DCAF6: variants seen among roughly 807,000 people sequenced by gnomAD.
DCAF6 encodes DDB1- and CUL4-associated factor 6.
In DCAF6, 54 loss-of-function variants were observed where a neutral mutation model predicts 125.1. The ratio of observed to expected loss-of-function variants is 0.43; its 90% CI spans 0.35 to 0.54. DCAF6 has a LOEUF of 0.54. Among genes scored for constraint, DCAF6 ranks in the 20% least tolerant of loss-of-function variants. DCAF6 has a pLI of 0.01. For missense variants in DCAF6, 934 were observed against 1,161.7 expected (o/e 0.80, Z 2.85); for synonymous variants, 371 against 390.4 (o/e 0.95, Z 0.58).
chr1:167,957,609 G>C (rs763934112), intron 2 of DCAF6, among the ~76,000 whole-genome samples: 6 of 152,032 alleles, frequency 3.9e-5, no homozygotes, highest in Non-Finnish European at 8.8e-5. Context: ...ACAAATTTTT[G>C]TGTGTTGTAA....
the DCAF6 span, among the ~76,000 whole-genome samples, chr1:167,916,287 A>G: frequency 6.6e-6 from 1 of 152,090 alleles, no homozygotes; most frequent in Non-Finnish European, 1.5e-5. Flanking sequence ...GCTCACTGCA[A>G]CCTCCGCCTC....
At chr1:167,934,657 A>C (rs964384839), upstream of DCAF6, among the ~76,000 whole-genome samples, 11 of 152,236 alleles carry the variant, frequency 7.2e-5, no homozygotes. Flanking sequence ...GTTCATAATC[A>C]GATAATGGGG....
At chr1:168,022,937 G>A (rs372111255) in intron 11 of DCAF6, 51 bp from the exon 12 acceptor site, 9 of 1,503,764 alleles carry the variant, frequency 6.0e-6, no homozygotes, top group Admixed American at 1.7e-5. Context: ...TGACATTGCT[G>A]TGCAGTTTTC....
the DCAF6 span, among the ~76,000 whole-genome samples, chr1:167,891,655 CA>C: frequency 0.012 from 1,326 of 107,630 alleles, 11 homozygotes; most frequent in African/African-American, 0.034. Flanking sequence ...GACTCTGTCT[CA>C]AAAAAAAAAA....
chr1:167,969,853 T>A (rs1257489150), intron 3 of DCAF6, among the ~76,000 whole-genome samples: 1 of 152,236 alleles, frequency 6.6e-6, no homozygotes, highest in Non-Finnish European at 1.5e-5. Context: ...CTCGGCCCAC[T>A]GCAAACTCTG....
chr1:167,875,489 G>A, the DCAF6 span, among the ~76,000 whole-genome samples: 5 of 152,298 alleles, frequency 3.3e-5, no homozygotes, highest in South Asian at 2.1e-4. Context: ...CCTGATATAC[G>A]ACCCAGTAGA....
At chr1:167,864,945 T>A in the DCAF6 span, among the ~76,000 whole-genome samples, 4 of 146,760 alleles carry the variant, frequency 2.7e-5, no homozygotes, top group East Asian at 8.0e-4. Context: ...GTAAAAAGAG[T>A]GTTATATGGT....
the DCAF6 span, among the ~76,000 whole-genome samples, chr1:167,925,217 A>G: frequency 6.6e-6 from 1 of 151,930 alleles, no homozygotes; most frequent in South Asian, 2.1e-4. Context: ...TACATTTTAC[A>G]TATTTTACTC....
At chr1:167,979,254 A>G (rs1293225029) in intron 4 of DCAF6, among the ~76,000 whole-genome samples, 1 of 152,192 alleles carries the variant, frequency 6.6e-6, no homozygotes, top group Non-Finnish European at 1.5e-5. Flanking sequence ...AAGAAAGACC[A>G]TTTTAACATG....
intron 21 of DCAF6, among the ~76,000 whole-genome samples, chr1:168,072,195 GC>G (rs1235743099): frequency 1.3e-5 from 2 of 149,670 alleles, no homozygotes; most frequent in Non-Finnish European, 3.0e-5. Flanking sequence ...TACTTGGGAG[GC>G]TGAGGCAGGA....
At chr1:167,957,521 C>T (rs1404869480) in intron 2 of DCAF6, among the ~76,000 whole-genome samples, 1 of 152,118 alleles carries the variant, frequency 6.6e-6, no homozygotes, top group Non-Finnish European at 1.5e-5. Flanking sequence ...CACATTTAAT[C>T]TGTTCATCAG....
Position 168,046,516 on chromosome 1 carries a change from C to CT in DCAF6, c.2258+1296dup, listed in dbSNP as rs543491077. Among the ~76,000 whole-genome samples the CT allele has an allele frequency of 2.6e-4, 39 of 152,154 alleles. No homozygotes were observed. The Middle Eastern group carries it at 0.017, about 67-fold the overall frequency. On this transcript the variant is annotated intron_variant, in intron 16 of 21. Transcript: ENST00000367840. ...GGGAAATGTTTACTTTGCCATGGCA[C>CT]TTTTTTTGTAGATATGAAGCAAGAA...
chr1:167,991,383 A>G, intron 6 of DCAF6, 44 bp downstream of exon 6: 1 of 1,529,662 alleles, frequency 6.5e-7, no homozygotes, highest in Non-Finnish European at 8.8e-7. Context: ...GTCAGTTCAA[A>G]GAGTAAATCT....
chr1:167,868,589 C>T, the DCAF6 span, among the ~76,000 whole-genome samples: 3 of 151,676 alleles, frequency 2.0e-5, no homozygotes, highest in Admixed American at 6.6e-5. Context: ...ATACTGGATA[C>T]GTGGACATAG....
chr1:168,040,144 A>AGAGTGAGAAGGAGTGAG (rs1337564607), intron 13 of DCAF6, among the ~76,000 whole-genome samples: 2 of 152,042 alleles, frequency 1.3e-5, no homozygotes, highest in African/African-American at 4.8e-5. Context: ...TGTCACTTGA[A>AGAGTGAGAAGGAGTGAG]GAGTGAGAAG....
intron 12 of DCAF6, among the ~76,000 whole-genome samples, chr1:168,027,714 A>T (rs920634178): frequency 4.6e-5 from 7 of 152,080 alleles, no homozygotes; most frequent in Non-Finnish European, 1.0e-4. Context: ...AAATTTTTTT[A>T]AAAATTTTAG....
At chr1:167,922,925 C>T in the DCAF6 span, among the ~76,000 whole-genome samples, 1 of 152,162 alleles carries the variant, frequency 6.6e-6, no homozygotes, top group African/African-American at 2.4e-5. Context: ...ATATACACAA[C>T]TGACCAATAA....
Position 168,042,635 on chromosome 1 carries a change from G to C in DCAF6, c.1728-390G>C, listed in dbSNP as rs2101780089. 2 of 155,190 alleles carry C rather than the reference G, an allele frequency of 1.3e-5. 1 individual carries two copies. The highest frequency in any genetic ancestry group is 6.8e-3 in the Middle Eastern group (2 of 296). The allele number at this position is 155,190 out of a possible 1,614,324, so 9.6% of individuals were successfully genotyped here. A position where few individuals can be genotyped will look rare whatever the true frequency, so the allele number is the denominator to read the frequency against. On this transcript the variant is annotated intron_variant, in intron 13 of 21. Transcript: ENST00000367840. ...AATTTTAAAGTAGCCTGGAATAACA[G>C]AGTCTAGAAGGGCATATGATAAAAA...
the DCAF6 span, among the ~76,000 whole-genome samples, chr1:167,872,679 A>G: frequency 4.6e-5 from 7 of 150,898 alleles, no homozygotes; most frequent in Non-Finnish European, 1.0e-4. Context: ...GCCTCTGACA[A>G]TCTGTGTTTG....
Sources: gnomAD v4.1 joint callset for allele counts (sites outside exome capture counted in the v4.1 genomes callset) on GRCh38, gnomAD v4.1.1 for gene constraint, MANE v1.5 for transcripts, NCBI Gene and HGNC (gene_info 2026-07-23, HGNC 2026-07-21) for gene names.